The following UNC79 variants were observed in gnomAD, a reference collection of about 807,000 sequenced individuals.
UNC79 encodes the protein protein unc-79 homolog.
A neutral mutation model predicts 283.1 loss-of-function variants in UNC79; 37 were observed. The observed-to-expected ratio is 0.13, with a 90% confidence interval of 0.10 to 0.17. The LOEUF is 0.17. Ranked by LOEUF, UNC79 falls within the 10% of genes least tolerant of loss-of-function variation. The pLI is 1.00. For synonymous variants in UNC79, 1,107 were observed against 1,200.2 expected (o/e 0.92, Z 1.61); for missense variants, 2,272 against 3,211.1 (o/e 0.71, Z 7.07).
chr14:93,376,960 C>G (rs1357081045), intron 1 of UNC79, among the ~76,000 whole-genome samples: 1 of 150,034 alleles, frequency 6.7e-6, no homozygotes, highest in Non-Finnish European at 1.5e-5. Flanking sequence ...TGCAAGGATG[C>G]AAATGACAAG....
intron 41 of UNC79, among the ~76,000 whole-genome samples, chr14:93,677,012 C>T (rs886789982): frequency 1.3e-5 from 2 of 152,234 alleles, no homozygotes; most frequent in East Asian, 1.9e-4. Flanking sequence ...GGAAAAACAA[C>T]TTTATGGAAA....
intron 1 of UNC79, among the ~76,000 whole-genome samples, chr14:93,367,645 T>C (rs1294488636): frequency 5.5e-5 from 2 of 36,250 alleles, no homozygotes. Flanking sequence ...ATAGGAAAAA[T>C]AACATAAGAG....
exon 1 of UNC79, chr14:93,333,262 G>C (rs2139853218): frequency 9.9e-6 from 4 of 402,332 alleles, no homozygotes; most frequent in East Asian, 3.6e-5. Flanking sequence ...GTCGCTGGGA[G>C]TTTGCCTCTT....
At chr14:93,596,916 C>T (rs1353447867) in intron 23 of UNC79, among the ~76,000 whole-genome samples, 1 of 152,212 alleles carries the variant, frequency 6.6e-6, no homozygotes, top group African/African-American at 2.4e-5. Context: ...ACACCACGAC[C>T]TACTAAGAGT....
Position 93,621,508 on chromosome 14 carries a change from TG to T in UNC79, c.4388-111del. On this transcript the variant is annotated intron_variant, in intron 29 of 48. Transcript: ENST00000555664. The surrounding 1 kb of genome is among the most constrained non-coding windows in gnomAD (Gnocchi z 4.8). ...TGGCCAGAAAGTTCGTTTTCCCTCCTGGTGGAGCTGGGATTGTGATGATGAT... is the reference window on the plus strand; with the variant it reads ...TGGCCAGAAAGTTCGTTTTCCCTCCTGTGGAGCTGGGATTGTGATGATGAT... 7.8e-7 allele frequency: 1 copy of T among 1,290,308 alleles called. No individual in the cohort carries two copies. The highest frequency in any genetic ancestry group is 1.0e-6 in the Non-Finnish European group (1 of 985,216). 79.9% of individuals were successfully genotyped at this position (1,290,308 alleles called of 1,614,324 possible). A position where few individuals can be genotyped will look rare whatever the true frequency, so the allele number is the denominator to read the frequency against.
rs556750036 is a variant in UNC79 at position 93,351,133 on chromosome 14, A to G, written c.-351+17610A>G. Among the ~76,000 whole-genome samples the G allele has an allele frequency of 3.9e-5, 6 of 152,218 alleles. No individual in the cohort carries two copies. In the South Asian group the frequency reaches 6.2e-4, roughly 16 times the overall value. On this transcript the variant is annotated intron_variant, in intron 1 of 49. Transcript: ENST00000256339. ...TATGGGCTTCCCATAAAGAGAAGCA[A>G]TTACACTGCAGGAAGTTTTCTTTGC...
chr14:93,368,949 A>G (rs890757054), intron 1 of UNC79, among the ~76,000 whole-genome samples: 2 of 152,212 alleles, frequency 1.3e-5, no homozygotes, highest in Non-Finnish European at 2.9e-5. Flanking sequence ...TTCAATGTTT[A>G]TTTATGGGTG....
chr14:93,707,072 G>T, downstream of UNC79: 1 of 715,660 alleles, frequency 1.4e-6, no homozygotes, highest in Non-Finnish European at 2.2e-6. Context: ...AAGCTTTCTT[G>T]CTACACATAT....
intron 1 of UNC79, among the ~76,000 whole-genome samples, chr14:93,455,216 T>C (rs956475436): frequency 2.6e-5 from 4 of 152,280 alleles, no homozygotes; most frequent in Middle Eastern, 3.4e-3. Flanking sequence ...TTTATGTCTT[T>C]TATGAGGTTT....
chr14:93,576,973 T>TACAAAA (rs1329626148), intron 17 of UNC79, among the ~76,000 whole-genome samples: 2 of 149,586 alleles, frequency 1.3e-5, no homozygotes, highest in South Asian at 4.3e-4. Flanking sequence ...TAATGAGACC[T>TACAAAA]TGTCTCTACA....
At chr14:93,675,371 T>C (rs1371678965) in intron 41 of UNC79, among the ~76,000 whole-genome samples, 1 of 152,196 alleles carries the variant, frequency 6.6e-6, no homozygotes, top group Admixed American at 6.6e-5. Context: ...CCAGGTGCTC[T>C]GCAGGGTGCT....
At position 93,704,608 on chromosome 14, in the gene UNC79, TG is replaced by T. The variant is rs762448286; in HGVS notation, c.7549-16del. The T allele has an allele frequency of 6.2e-7, 1 of 1,614,138 alleles. No homozygotes were observed. ...TAGAGGACACTAATAATGAAGCTTT[TG>T]TCTTTCTCTATACAGCTGATACCTA... On this transcript the variant is annotated splice_polypyrimidine_tract_variant and intron_variant, in intron 47 of 48. Transcript: ENST00000555664.
intron 1 of UNC79, among the ~76,000 whole-genome samples, chr14:93,417,326 CT>C (rs1192978804): frequency 6.6e-6 from 1 of 152,260 alleles, no homozygotes; most frequent in East Asian, 1.9e-4. Flanking sequence ...AAATTCTTTT[CT>C]TTAAGAATGT....
intron 1 of UNC79, among the ~76,000 whole-genome samples, chr14:93,409,054 A>C (rs894029017): frequency 6.6e-6 from 1 of 152,216 alleles, no homozygotes; most frequent in African/African-American, 2.4e-5. Context: ...TTTATTCAGC[A>C]TTGTTCTGGA....
At chr14:93,506,224 A>AT (rs774515757) in intron 7 of UNC79, among the ~76,000 whole-genome samples, 7,065 of 141,546 alleles carry the variant, frequency 0.05, 548 homozygotes, top group African/African-American at 0.16. Flanking sequence ...ATTGTATACA[A>AT]TTTTTTTTTT....
intron 1 of UNC79, chr14:93,348,500 G>T (rs147971393): frequency 1.0e-4 from 18 of 174,632 alleles, no homozygotes; most frequent in African/African-American, 4.3e-4. Flanking sequence ...ACCCTTAAAA[G>T]ATTAGATGTG....
At chr14:93,642,677 C>T (rs2069172471) in intron 33 of UNC79, among the ~76,000 whole-genome samples, 1 of 152,282 alleles carries the variant, frequency 6.6e-6, no homozygotes, top group Non-Finnish European at 1.5e-5. Context: ...CCTTTCTGTG[C>T]ACTCCATTTC....
intron 14 of UNC79, among the ~76,000 whole-genome samples, chr14:93,556,769 A>G (rs571681665): frequency 1.4e-4 from 22 of 152,282 alleles, no homozygotes; most frequent in Middle Eastern, 3.4e-3. Context: ...AAATGTATGT[A>G]TAGCTTGGCT....
chr14:93,383,850 A>G (rs1001398693), intron 1 of UNC79, among the ~76,000 whole-genome samples: 2 of 152,162 alleles, frequency 1.3e-5, no homozygotes, highest in East Asian at 3.9e-4. Flanking sequence ...TGCTGTTCTC[A>G]TGATAGTGAA....
Sources: allele counts gnomAD v4.1 joint callset (sites outside exome capture counted in the v4.1 genomes callset), GRCh38; gene constraint gnomAD v4.1.1; non-coding constraint Gnocchi (gnomAD v3.1); transcripts MANE v1.5; gene names NCBI Gene and HGNC (gene_info 2026-07-23, HGNC 2026-07-21).